DGKI: variants seen among roughly 807,000 people sequenced by gnomAD.
The protein encoded by DGKI is diacylglycerol kinase iota, also known as DAG kinase iota.
Under a neutral mutation model 147.5 loss-of-function variants are expected in DGKI, and 55 were observed. The observed-to-expected ratio is 0.37, with a 90% CI of 0.30 to 0.47. DGKI has a LOEUF of 0.47. Ranked by LOEUF, DGKI falls within the 20% of genes least tolerant of loss-of-function variation. The probability of loss-of-function intolerance (pLI) is 1.00; values close to 1 mark genes in which losing one functional copy is unlikely to be tolerated. For missense variants in DGKI, 1,007 were observed against 1,323.8 expected (o/e 0.76, Z 3.71); for synonymous variants, 469 against 477.1 (o/e 0.98, Z 0.22).
At chr7:137,612,134 G>GA (rs1563111499) in intron 8 of DGKI, among the ~76,000 whole-genome samples, 1 of 148,580 alleles carries the variant, frequency 6.7e-6, no homozygotes, top group Non-Finnish European at 1.5e-5. Flanking sequence ...CACAGAGTTA[G>GA]AAAAACACAT....
chr7:137,555,835 A>G (rs761568039), intron 19 of DGKI, among the ~76,000 whole-genome samples: 3 of 152,170 alleles, frequency 2.0e-5, no homozygotes, highest in East Asian at 1.9e-4. Context: ...TTAAGGAAAG[A>G]CAGTGTCTAT....
intron 23 of DGKI, among the ~76,000 whole-genome samples, chr7:137,477,359 A>T (rs1316531990): frequency 6.6e-6 from 1 of 152,216 alleles, no homozygotes; most frequent in African/African-American, 2.4e-5. Context: ...GCCAATCTTA[A>T]TATGTTTTTA....
chr7:137,839,148 C>A (rs1798476463), intron 1 of DGKI, among the ~76,000 whole-genome samples: 1 of 152,236 alleles, frequency 6.6e-6, no homozygotes, highest in South Asian at 2.1e-4. Flanking sequence ...TTCCTCCGCA[C>A]ACTGACTGTG....
At chr7:137,842,835 G>T (rs1798585193) in intron 1 of DGKI, among the ~76,000 whole-genome samples, 1 of 152,074 alleles carries the variant, frequency 6.6e-6, no homozygotes, top group African/African-American at 2.4e-5. Context: ...CCAAAAAAAG[G>T]TATGCAATAA....
chr7:137,665,562 C>T (rs911289501), intron 3 of DGKI, among the ~76,000 whole-genome samples: 35 of 152,250 alleles, frequency 2.3e-4, no homozygotes, highest in African/African-American at 8.2e-4. Context: ...CTGAGAAACA[C>T]ATTATCAGAA....
At position 137,640,832 on chromosome 7, in the gene DGKI, A is replaced by G. The variant is rs187325465; in HGVS notation, c.804+4640T>C. On this transcript the variant is annotated intron_variant, in intron 6 of 32. Transcript: ENST00000614521. Reference sequence around the variant, plus strand: ...TTTTAACAATATTTACTAAAAATAAAGAGTAGTTTTGATGTTTTCCCATTT... The same window carrying G: ...TTTTAACAATATTTACTAAAAATAAGGAGTAGTTTTGATGTTTTCCCATTT... Among the ~76,000 whole-genome samples, 11 of 152,352 alleles carry G rather than the reference A, an allele frequency of 7.2e-5. No homozygotes were observed. In the East Asian group the frequency reaches 2.1e-3, roughly 29 times the overall value.
rs559491022 is a variant in DGKI, at chr7:137,476,329, T to C, written c.2374-6710A>G. ...GGTGATGGTAATTTTCCTTTTTTTT[T>C]CTTTTTACGGTGTGCTCATTTTTTG... On this transcript the variant is annotated intron_variant, in intron 23 of 32. Coordinates refer to ENST00000614521, the MANE Select transcript of DGKI (RefSeq NM_001321708.2). Among the ~76,000 whole-genome samples, 3 of 152,338 alleles carry C rather than the reference T, an allele frequency of 2.0e-5. No homozygotes were observed. The South Asian group carries it at 6.2e-4, about 32-fold the overall frequency.
intron 1 of DGKI, among the ~76,000 whole-genome samples, chr7:137,817,561 G>A (rs575622601): frequency 1.3e-5 from 2 of 152,174 alleles, no homozygotes; most frequent in African/African-American, 2.4e-5. Flanking sequence ...TGTTGCTGTC[G>A]AATTGTGACT....
At chr7:137,648,444 G>C (rs1280399849) in intron 5 of DGKI, among the ~76,000 whole-genome samples, 1 of 152,222 alleles carries the variant, frequency 6.6e-6, no homozygotes, top group African/African-American at 2.4e-5. Context: ...GCAACACACA[G>C]TTATCCCTTC....
At chr7:137,564,902 C>A (rs1818532741) in intron 19 of DGKI, among the ~76,000 whole-genome samples, 1 of 152,248 alleles carries the variant, frequency 6.6e-6, no homozygotes, top group South Asian at 2.1e-4. Context: ...GCTCCTACCG[C>A]CCCCACCGCC....
chr7:137,395,507 A>G (rs1446378294), intron 32 of DGKI, 91 bp downstream of exon 32: 17 of 1,226,162 alleles, frequency 1.4e-5, no homozygotes, highest in Non-Finnish European at 1.9e-5. Context: ...ATAAGCACAG[A>G]AAGGATGTCC....
At chr7:137,662,645 G>A (rs774354141) in intron 3 of DGKI, among the ~76,000 whole-genome samples, 1 of 152,172 alleles carries the variant, frequency 6.6e-6, no homozygotes, top group Non-Finnish European at 1.5e-5. Context: ...GTCCGGAGGA[G>A]TCTGTGACCC....
intron 1 of DGKI, among the ~76,000 whole-genome samples, chr7:137,713,266 C>T (rs1479827157): frequency 6.6e-6 from 1 of 152,282 alleles, no homozygotes; most frequent in East Asian, 1.9e-4. Context: ...TACCTGGCTC[C>T]AGCTTGGAAT....
At chr7:137,677,580 C>T (rs953742604) in intron 3 of DGKI, among the ~76,000 whole-genome samples, 1 of 152,164 alleles carries the variant, frequency 6.6e-6, no homozygotes, top group Non-Finnish European at 1.5e-5. Flanking sequence ...TGGTTAAAAT[C>T]GTTGGGGGCT....
rs1820895267 is a variant in DGKI, at chr7:137,625,361, G to A, written c.805-1807C>T. On this transcript the variant is annotated intron_variant, in intron 6 of 32. Coordinates refer to ENST00000614521, the MANE Select transcript of DGKI (RefSeq NM_001321708.2). ...TGTAATCCCAGCTACTCGGGAGGCT[G>A]AGTCAGGAGAATTTCTTGAATCCAA... 1.3e-5 allele frequency among the ~76,000 whole-genome samples: 2 copies of A among 152,140 alleles called. 1 individual carries two copies. Among genetic ancestry groups the A allele is most frequent in the South Asian group, 4.2e-4 (2 of 4,818 alleles).
intron 7 of DGKI, among the ~76,000 whole-genome samples, chr7:137,621,957 G>C (rs866027766): frequency 5.3e-5 from 8 of 152,328 alleles, no homozygotes; most frequent in South Asian, 2.1e-4. Flanking sequence ...GGGACCCCAG[G>C]ACCACAAATG....
chr7:137,742,587 T>C (rs567309974), intron 1 of DGKI, among the ~76,000 whole-genome samples: 6 of 152,174 alleles, frequency 3.9e-5, no homozygotes, highest in African/African-American at 1.4e-4. Flanking sequence ...CATTTCCAAG[T>C]CAGAGACAGG....
At chr7:137,538,371 T>A (rs543065238) in intron 20 of DGKI, among the ~76,000 whole-genome samples, 24 of 152,332 alleles carry the variant, frequency 1.6e-4, no homozygotes, top group South Asian at 4.1e-4. Flanking sequence ...AAGTCTTCAT[T>A]TATCACAAGG....
At chr7:137,683,644 C>T (rs1823316438) in intron 2 of DGKI, among the ~76,000 whole-genome samples, 1 of 152,232 alleles carries the variant, frequency 6.6e-6, no homozygotes, top group Non-Finnish European at 1.5e-5. Flanking sequence ...CTTCTCTACA[C>T]ATGCATCTCG....
Sources: gnomAD v4.1 joint callset for allele counts (sites outside exome capture counted in the v4.1 genomes callset) on GRCh38, gnomAD v4.1.1 for gene constraint, MANE v1.5 for transcripts, NCBI Gene and HGNC (gene_info 2026-07-23, HGNC 2026-07-21) for gene names.